The following DYNC2I1 variants were observed in gnomAD, a reference collection of about 807,000 sequenced individuals.
DYNC2I1 encodes cytoplasmic dynein 2 intermediate chain 1.
Under a neutral mutation model 133.4 loss-of-function variants are expected in DYNC2I1, and 89 were observed. That is an observed-to-expected ratio of 0.67 (90% CI 0.56 to 0.80). The LOEUF is 0.80. DYNC2I1 is among the 30% of genes least tolerant of loss of function. The pLI, the probability that DYNC2I1 is intolerant of heterozygous loss-of-function variation, is 0.00. For synonymous variants in DYNC2I1, 504 were observed against 484.3 expected (o/e 1.04, Z -0.54); for missense variants, 1,291 against 1,314.5 (o/e 0.98, Z 0.28).
the DYNC2I1 span, among the ~76,000 whole-genome samples, chr7:158,844,546 T>C: frequency 6.6e-6 from 1 of 152,182 alleles, no homozygotes; most frequent in African/African-American, 2.4e-5. Context: ...AAAGTGAAAG[T>C]TTTAAGAAAA....
chr7:158,861,058 C>A (rs542202066), intron 1 of DYNC2I1, among the ~76,000 whole-genome samples: 1 of 152,358 alleles, frequency 6.6e-6, no homozygotes, highest in South Asian at 2.1e-4. Context: ...TCTGGGACAA[C>A]CCAGCTCAGT....
chr7:158,880,099 G>A, intron 5 of DYNC2I1, 110 bp downstream of exon 5: 2 of 1,302,686 alleles, frequency 1.5e-6, no homozygotes, highest in Non-Finnish European at 1.0e-6. Context: ...TGGCCTAGTA[G>A]TAGTAATTTA....
rs368787425 is a variant in DYNC2I1 at position 158,922,447 on chromosome 7, C to T, written c.1992C>T (p.Pro664=). ...RQMVVSVHDL[P]EKSFVPLLDS... ...TGGTGGTCTCCGTTCACGACTTACC[C>T]GAGAAGAGCTTTGTGCCCCTGCTGG... Residue 664 remains proline (P), a synonymous_variant, in exon 16 of 25, where the codon CCC becomes CCT. Transcript: ENST00000407559. 3.1e-5 allele frequency: 50 copies of T among 1,613,890 alleles called. No homozygotes were observed. Among genetic ancestry groups the T allele is most frequent in the South Asian group, 4.4e-5 (4 of 91,088 alleles).
At chr7:158,880,089 T>A in intron 5 of DYNC2I1, 100 bp downstream of exon 5, 1 of 1,384,716 alleles carries the variant, frequency 7.2e-7, no homozygotes, top group South Asian at 1.5e-5. Flanking sequence ...TTGAGATTTG[T>A]GGCCTAGTAG....
At chr7:158,881,278 G>C (rs1404497107) in intron 5 of DYNC2I1, among the ~76,000 whole-genome samples, 3 of 152,124 alleles carry the variant, frequency 2.0e-5, no homozygotes, top group Admixed American at 2.0e-4. Context: ...GTTTGCATCA[G>C]GGCGTTGGCC....
At chr7:158,877,099 C>T (rs1007803042) in intron 4 of DYNC2I1, among the ~76,000 whole-genome samples, 1 of 152,224 alleles carries the variant, frequency 6.6e-6, no homozygotes. Flanking sequence ...CTGAGTGATC[C>T]TGTCTCTCCC....
At chr7:158,954,641 C>G (rs879385088) in intron 4 of DYNC2I1, among the ~76,000 whole-genome samples, 2 of 151,860 alleles carry the variant, frequency 1.3e-5, no homozygotes, top group Non-Finnish European at 2.9e-5. Flanking sequence ...GAATGAGACT[C>G]TCTCTCTAAA....
intron 4 of DYNC2I1, among the ~76,000 whole-genome samples, chr7:158,954,244 T>C (rs1277310550): frequency 6.6e-6 from 1 of 152,226 alleles, no homozygotes; most frequent in Admixed American, 6.5e-5. Flanking sequence ...CTTTATGAAT[T>C]ACCCCGTCTC....
the DYNC2I1 span, among the ~76,000 whole-genome samples, chr7:158,845,481 G>C: frequency 6.6e-6 from 1 of 152,154 alleles, no homozygotes; most frequent in South Asian, 2.1e-4. Flanking sequence ...AATACTATAA[G>C]GTGTCAAAAT....
At chr7:158,877,413 A>G (rs1398489739) in intron 4 of DYNC2I1, among the ~76,000 whole-genome samples, 2 of 152,212 alleles carry the variant, frequency 1.3e-5, no homozygotes, top group African/African-American at 2.4e-5. Context: ...TCCAGATGGT[A>G]TGCTTTTTGG....
intron 14 of DYNC2I1, among the ~76,000 whole-genome samples, chr7:158,915,088 C>A (rs1847906170): frequency 7.8e-6 from 1 of 128,726 alleles, no homozygotes; most frequent in African/African-American, 2.6e-5. Flanking sequence ...GAAACCTCGA[C>A]ATGCTGGTTG....
upstream of DYNC2I1, among the ~76,000 whole-genome samples, chr7:158,856,358 C>G (rs1055038534): frequency 3.0e-4 from 46 of 152,374 alleles, no homozygotes; most frequent in African/African-American, 1.1e-3. Flanking sequence ...CCCCTGCACC[C>G]CAAGTCAGGG....
the DYNC2I1 span, among the ~76,000 whole-genome samples, chr7:158,839,882 A>G: frequency 2.0e-5 from 3 of 151,628 alleles, no homozygotes; most frequent in Non-Finnish European, 4.4e-5. Context: ...CCCAGCCTCC[A>G]TCATCTTGTC....
the DYNC2I1 span, among the ~76,000 whole-genome samples, chr7:158,841,367 C>T: frequency 6.6e-6 from 1 of 151,692 alleles, no homozygotes; most frequent in African/African-American, 2.4e-5. Flanking sequence ...TGTGTGCTAC[C>T]ATGCCCAGAT....
chr7:158,865,538 CAG>C (rs929575802), intron 1 of DYNC2I1, among the ~76,000 whole-genome samples: 13 of 152,342 alleles, frequency 8.5e-5, no homozygotes, highest in African/African-American at 2.9e-4. Flanking sequence ...TGGCCCAGGA[CAG>C]GTGCTTGCAG....
intron 6 of DYNC2I1, among the ~76,000 whole-genome samples, chr7:158,886,129 ACTC>A (rs1308734731): frequency 3.3e-5 from 5 of 151,300 alleles, no homozygotes; most frequent in African/African-American, 1.2e-4. Context: ...AATTTCTACA[ACTC>A]TTTTTATTTT....
chr7:158,943,573 T>C (rs1048465664), intron 24 of DYNC2I1, among the ~76,000 whole-genome samples: 4 of 152,118 alleles, frequency 2.6e-5, no homozygotes, highest in South Asian at 4.1e-4. Context: ...CAGCAGGGCC[T>C]GGGCAGGGGC....
upstream of DYNC2I1, among the ~76,000 whole-genome samples, chr7:158,852,993 A>T (rs1383980902): frequency 1.3e-5 from 2 of 152,168 alleles, no homozygotes; most frequent in African/African-American, 4.8e-5. Flanking sequence ...GGGTTAATGA[A>T]TGCTTGTCTG....
intron 1 of DYNC2I1, among the ~76,000 whole-genome samples, chr7:158,858,753 A>G (rs1451924078): frequency 1.3e-5 from 2 of 151,224 alleles, no homozygotes; most frequent in African/African-American, 2.4e-5. Flanking sequence ...TTCTTGGATC[A>G]AGTGTCTCCC....
Sources: gnomAD v4.1 joint callset for allele counts (sites outside exome capture counted in the v4.1 genomes callset) on GRCh38, gnomAD v4.1.1 for gene constraint, MANE v1.5 for transcripts, NCBI Gene and HGNC (gene_info 2026-07-23, HGNC 2026-07-21) for gene names.